LOC400499: variants seen among roughly 807,000 people sequenced by gnomAD.
chr16:11,458,515 A>C, the LOC400499 span, among the ~76,000 whole-genome samples: 88 of 152,146 alleles, frequency 5.8e-4, no homozygotes, highest in African/African-American at 2.1e-3. Context: ...CAAAAAAAAA[A>C]AAAAAGACAA....
the LOC400499 span, chr16:11,508,573 G>C: frequency 2.5e-6 from 1 of 396,210 alleles, no homozygotes; most frequent in African/African-American, 2.1e-5. Flanking sequence ...CAGCTGTGCA[G>C]TGCACAACCT....
chr16:11,390,543 G>A, the LOC400499 span: 21 of 1,098,876 alleles, frequency 1.9e-5, no homozygotes, highest in Non-Finnish European at 2.3e-5. Flanking sequence ...GCCAGGCCTC[G>A]AGGAGATAGG....
the LOC400499 span, chr16:11,412,863 GGAC>G: frequency 7.5e-6 from 3 of 399,010 alleles, no homozygotes; most frequent in Admixed American, 1.3e-4. Context: ...TTCTGGCCAC[GGAC>G]GTCAAGGACC....
At chr16:11,409,543 C>T in the LOC400499 span, among the ~76,000 whole-genome samples, 2 of 152,224 alleles carry the variant, frequency 1.3e-5, no homozygotes, top group African/African-American at 4.8e-5. Flanking sequence ...TTGTAGACCT[C>T]TGTTCTAGAT....
chr16:11,481,539 T>C, the LOC400499 span, among the ~76,000 whole-genome samples: 1 of 152,184 alleles, frequency 6.6e-6, no homozygotes, highest in Non-Finnish European at 1.5e-5. Flanking sequence ...GCCAGGCTGG[T>C]CTCGAACTCC....
At chr16:11,488,016 C>T in the LOC400499 span, among the ~76,000 whole-genome samples, 3 of 151,456 alleles carry the variant, frequency 2.0e-5, no homozygotes, top group East Asian at 5.8e-4. Flanking sequence ...ACTCGGGAGG[C>T]TGAGGTAGAA....
At chr16:11,477,830 A>T in the LOC400499 span, 3 of 398,812 alleles carry the variant, frequency 7.5e-6, no homozygotes, top group African/African-American at 6.2e-5. Context: ...CCTGGGCTTG[A>T]CATAACCATT....
the LOC400499 span, chr16:11,399,797 T>C: frequency 6.3e-5 from 25 of 398,682 alleles, 1 homozygote; most frequent in African/African-American, 2.9e-4. Flanking sequence ...GGTTGTCCTC[T>C]GTTCCAGGTG....
At chr16:11,506,366 G>C in the LOC400499 span, among the ~76,000 whole-genome samples, 7 of 152,210 alleles carry the variant, frequency 4.6e-5, no homozygotes, top group Admixed American at 2.0e-4. Flanking sequence ...CAACCAGCCT[G>C]TGGGACATCC....
the LOC400499 span, among the ~76,000 whole-genome samples, chr16:11,389,300 G>T: frequency 6.6e-6 from 1 of 152,330 alleles, no homozygotes; most frequent in South Asian, 2.1e-4. Context: ...ATAGCTCAGG[G>T]GTGGTAAATG....
chr16:11,384,759 C>G, the LOC400499 span: 1 of 806,904 alleles, frequency 1.2e-6, no homozygotes, highest in Admixed American at 4.3e-5. Context: ...ACACGCGCTG[C>G]CATGCTAGAG....
the LOC400499 span, among the ~76,000 whole-genome samples, chr16:11,416,239 T>A: frequency 6.6e-6 from 1 of 152,122 alleles, no homozygotes. Context: ...CATGAGCCAT[T>A]GCACCCGGCC....
At chr16:11,399,708 C>T in the LOC400499 span, 22 of 398,808 alleles carry the variant, frequency 5.5e-5, no homozygotes, top group South Asian at 1.3e-4. Context: ...ATACCTGCCC[C>T]GGGGAGGCGG....
At chr16:11,383,073 T>TC in the LOC400499 span, among the ~76,000 whole-genome samples, 2 of 143,922 alleles carry the variant, frequency 1.4e-5, no homozygotes, top group Non-Finnish European at 3.1e-5. Context: ...GCCAGGGTCT[T>TC]TTTTTTTTTT....
chr16:11,411,206 C>T, the LOC400499 span: 3 of 399,214 alleles, frequency 7.5e-6, no homozygotes, highest in Non-Finnish European at 1.3e-5. Flanking sequence ...GGCTGGGCAT[C>T]TGGAACCAGT....
At chr16:11,433,718 A>C in the LOC400499 span, among the ~76,000 whole-genome samples, 1 of 152,174 alleles carries the variant, frequency 6.6e-6, no homozygotes. Flanking sequence ...GGTTGAGTTA[A>C]TAAGCGGTCA....
At chr16:11,424,340 G>C in the LOC400499 span, 3 of 399,628 alleles carry the variant, frequency 7.5e-6, no homozygotes, top group Non-Finnish European at 1.3e-5. Flanking sequence ...CCTCGGAGGG[G>C]AGTCCTGGGG....
At chr16:11,474,839 C>T in the LOC400499 span, among the ~76,000 whole-genome samples, 81 of 152,234 alleles carry the variant, frequency 5.3e-4, no homozygotes, top group Admixed American at 2.6e-3. Context: ...CATTGCACTC[C>T]GGTCTGGACG....
At chr16:11,438,506 C>A in the LOC400499 span, among the ~76,000 whole-genome samples, 12 of 149,786 alleles carry the variant, frequency 8.0e-5, no homozygotes, top group Admixed American at 1.3e-4. Context: ...CGCATTGGCT[C>A]ATGCCTGTAA....
Sources: allele counts gnomAD v4.1 joint callset (sites outside exome capture counted in the v4.1 genomes callset), GRCh38; gene constraint gnomAD v4.1.1; transcripts MANE v1.5.